Variants in TACC2 observed in about 807,000 individuals in gnomAD.
TACC2 encodes the protein transforming acidic coiled-coil containing protein 2, also known as transforming acidic coiled-coil-containing protein 2.
A neutral mutation model predicts 227.3 loss-of-function variants in TACC2; 137 were observed. The observed-to-expected ratio is 0.60, with a 90% CI of 0.52 to 0.69. The LOEUF is 0.69. Among genes scored for constraint, TACC2 ranks in the 30% least tolerant of loss-of-function variants. The probability of loss-of-function intolerance (pLI) is 0.00; values close to 1 mark genes in which losing one functional copy is unlikely to be tolerated. For synonymous variants in TACC2, 1,523 were observed against 1,487.5 expected (o/e 1.02, Z -0.55); for missense variants, 3,470 against 3,694.4 (o/e 0.94, Z 1.57).
chr10:122,229,304 C>G (rs968061453), intron 14 of TACC2, 42 bp from the exon 15 acceptor site: 2 of 1,611,390 alleles, frequency 1.2e-6, no homozygotes, highest in Admixed American at 1.7e-5. Context: ...TCTCTGTTCT[C>G]CTCTATTTTT....
At chr10:122,090,547 AAAAAAAAAAAAAAAAG>A (rs1289780085) in intron 5 of TACC2, among the ~76,000 whole-genome samples, 6 of 126,846 alleles carry the variant, frequency 4.7e-5, no homozygotes, top group Non-Finnish European at 1.0e-4. Flanking sequence ...ACTCTATCTC[AAAAAAAAAAAAAAAAG>A]AAAAAAAAAA....
At chr10:122,065,160 C>T (rs2077248145) in intron 3 of TACC2, among the ~76,000 whole-genome samples, 1 of 152,122 alleles carries the variant, frequency 6.6e-6, no homozygotes, top group Non-Finnish European at 1.5e-5. Flanking sequence ...GTGTACAGTT[C>T]AGTAGTATTA....
intron 8 of TACC2, among the ~76,000 whole-genome samples, chr10:122,198,959 C>T (rs999179770): frequency 1.3e-5 from 2 of 152,318 alleles, no homozygotes; most frequent in East Asian, 3.9e-4. Context: ...TCAGTGGGGG[C>T]GACATGGCAG....
chr10:122,071,739 G>T, intron 3 of TACC2, among the ~76,000 whole-genome samples: 3 of 117,910 alleles, frequency 2.5e-5, no homozygotes, highest in Admixed American at 9.0e-5. Flanking sequence ...AAAAAAAAGT[G>T]ATCTGGGCGT....
intron 3 of TACC2, among the ~76,000 whole-genome samples, chr10:122,055,704 C>T (rs982489253): frequency 2.0e-5 from 3 of 152,134 alleles, no homozygotes; most frequent in Non-Finnish European, 2.9e-5. Flanking sequence ...TGCCCTTGAA[C>T]GCAAAATAAA....
intron 2 of TACC2, 62 bp downstream of exon 2, chr10:122,022,076 T>G: frequency 6.4e-7 from 1 of 1,555,996 alleles, no homozygotes; most frequent in South Asian, 1.1e-5. Flanking sequence ...TTGACTAGGT[T>G]CTTTTTACAG....
chr10:122,139,611 C>CT (rs1363829548), intron 6 of TACC2, among the ~76,000 whole-genome samples: 4 of 152,220 alleles, frequency 2.6e-5, no homozygotes, highest in Non-Finnish European at 4.4e-5. Context: ...TTTCACAGCA[C>CT]TTTCCTTTCT....
chr10:122,000,515 C>T (rs920276757), intron 1 of TACC2, among the ~76,000 whole-genome samples: 2 of 152,198 alleles, frequency 1.3e-5, no homozygotes, highest in African/African-American at 4.8e-5. Context: ...GAGATTGACT[C>T]GGCCAGGATT....
intron 1 of TACC2, among the ~76,000 whole-genome samples, chr10:122,004,522 T>C (rs1220102008): frequency 6.6e-6 from 1 of 152,144 alleles, no homozygotes; most frequent in African/African-American, 2.4e-5. Context: ...TTTTCAGAGT[T>C]TGGCATTTCT....
chr10:122,185,880 T>G (rs1174005141), intron 7 of TACC2, among the ~76,000 whole-genome samples: 2 of 152,226 alleles, frequency 1.3e-5, no homozygotes, highest in Admixed American at 1.3e-4. Flanking sequence ...TGTGTCTTTT[T>G]GAATTCAGTT....
intron 19 of TACC2, among the ~76,000 whole-genome samples, chr10:122,244,914 A>C (rs1326930331): frequency 6.6e-6 from 1 of 152,362 alleles, no homozygotes; most frequent in Middle Eastern, 3.4e-3. Flanking sequence ...CATAGTGACT[A>C]TTTAGAATTC....
chr10:122,137,088 C>T (rs961369303), intron 6 of TACC2, among the ~76,000 whole-genome samples: 1 of 151,708 alleles, frequency 6.6e-6, no homozygotes, highest in Non-Finnish European at 1.5e-5. Context: ...GATTTCGATG[C>T]ACCCTTTCTC....
chr10:122,191,314 T>G (rs879545355), intron 7 of TACC2, among the ~76,000 whole-genome samples: 4 of 152,186 alleles, frequency 2.6e-5, no homozygotes, highest in Non-Finnish European at 4.4e-5. Context: ...TAGATGTGTG[T>G]ACAGTGGGCC....
At chr10:122,114,135 T>A (rs934679902) in intron 5 of TACC2, among the ~76,000 whole-genome samples, 2 of 152,062 alleles carry the variant, frequency 1.3e-5, no homozygotes, top group African/African-American at 4.8e-5. Flanking sequence ...GAGGGGCGGC[T>A]GGAGAGGATG....
At chr10:122,089,287 C>T (rs1377481386) in intron 5 of TACC2, among the ~76,000 whole-genome samples, 1 of 152,148 alleles carries the variant, frequency 6.6e-6, no homozygotes, top group East Asian at 1.9e-4. Flanking sequence ...ATACCCCAGC[C>T]CCCACACCCG....
At chr10:121,989,526 T>C (rs1952944609) in intron 1 of TACC2, 38 bp downstream of exon 1, 2 of 152,108 alleles carry the variant, frequency 1.3e-5, no homozygotes, top group Admixed American at 1.3e-4. Flanking sequence ...TGAAGTTGGC[T>C]CTGATTCCCA....
chr10:122,159,473 G>A (rs747882748), intron 7 of TACC2, among the ~76,000 whole-genome samples: 4 of 152,140 alleles, frequency 2.6e-5, no homozygotes, highest in Non-Finnish European at 5.9e-5. Context: ...CCAGCTCTTC[G>A]AATTTTCGGC....
intron 3 of TACC2, among the ~76,000 whole-genome samples, chr10:122,060,338 A>C (rs1208888540): frequency 6.6e-6 from 1 of 152,222 alleles, no homozygotes; most frequent in African/African-American, 2.4e-5. Context: ...ATCCCCAAGC[A>C]AGATGTGGTA....
intron 3 of TACC2, among the ~76,000 whole-genome samples, chr10:122,057,406 G>A (rs2076314618): frequency 1.3e-5 from 2 of 152,050 alleles, no homozygotes; most frequent in Non-Finnish European, 2.9e-5. Flanking sequence ...GGGTGTGGGC[G>A]GAAGAGGTGG....
Sources: gnomAD v4.1 joint callset for allele counts (sites outside exome capture counted in the v4.1 genomes callset) on GRCh38, gnomAD v4.1.1 for gene constraint, MANE v1.5 for transcripts, NCBI Gene and HGNC (gene_info 2026-07-23, HGNC 2026-07-21) for gene names.